KCNV2: variants seen among roughly 807,000 people sequenced by gnomAD.
KCNV2 encodes the protein potassium voltage-gated channel subfamily V member 2.
A neutral mutation model predicts 37.0 loss-of-function variants in KCNV2; 65 were observed. That is an observed-to-expected ratio of 1.76 (90% confidence interval 1.44 to 2.16). The LOEUF (loss-of-function observed/expected upper bound fraction) is 2.16, where lower values mean the gene tolerates loss of function less well. KCNV2 is among the 30% of genes most tolerant of loss of function. The probability of loss-of-function intolerance (pLI) is 0.00; values close to 1 mark genes in which losing one functional copy is unlikely to be tolerated. For synonymous variants in KCNV2, 518 were observed against 328.6 expected, an observed-to-expected ratio of 1.58 and a Z score of -6.23; for missense variants, 1,232 against 766.7, an observed-to-expected ratio of 1.61 and a Z score of -7.17.
intron 1 of KCNV2, among the ~76,000 whole-genome samples, chr9:2,722,473 AAGTT>A (rs1251974294): frequency 7.3e-6 from 1 of 136,848 alleles, no homozygotes; most frequent in African/African-American, 2.8e-5. Flanking sequence ...ATTTATAAAT[AAGTT>A]ATTTATAAAT....
rs1249262032 is a variant in KCNV2 at position 2,718,527 on chromosome 9, G to C, written c.788G>C (p.Gly263Ala). 8 of 1,611,364 alleles carry C rather than the reference G, an allele frequency of 5.0e-6. No homozygotes were observed. The highest frequency in any genetic ancestry group is 5.9e-6 in the Non-Finnish European group (7 of 1,179,266). The change falls in exon 1 of 2, where the codon GGG (glycine) becomes GCG (alanine). Residue 263 changes from glycine to alanine, a missense_variant. By Grantham distance (60) the Gly-to-Ala change is moderately conservative. Coordinates refer to ENST00000382082, the MANE Select transcript of KCNV2 (RefSeq NM_133497.4). ...TCCTCGGTGGCCGCCAAGGCCATCG[G>C]GGTGGCCTCCAGCACCTTCGTGCTC... is the stretch of plus-strand genomic sequence containing the variant. ...PFSSVAAKAI[G>A]VASSTFVLVS...
At chr9:2,721,673 C>A (rs1167955532) in intron 1 of KCNV2, among the ~76,000 whole-genome samples, 1 of 152,182 alleles carries the variant, frequency 6.6e-6, no homozygotes, top group East Asian at 1.9e-4. Flanking sequence ...AAAAAACAAT[C>A]AAGTTTTTTC....
Position 2,729,875 on chromosome 9 carries a change from C to G in KCNV2, c.*148C>G. On this transcript the variant is annotated 3_prime_UTR_variant, in exon 2 of 2. Transcript: ENST00000382082. ...TCACAAAGTACTGCCTCTAGAAATA[C>G]TCATTTTGGCCCAAACTCAGAATGT... The G allele has an allele frequency of 1.3e-6, 1 of 794,192 alleles. No homozygotes were observed. The highest frequency in any genetic ancestry group is 2.1e-6 in the Non-Finnish European group (1 of 486,376). 49.2% of individuals were successfully genotyped at this position (794,192 alleles called of 1,614,324 possible). A position where few individuals can be genotyped will look rare whatever the true frequency, so the allele number is the denominator to read the frequency against.
chr9:2,722,192 A>T (rs1819885626), intron 1 of KCNV2, among the ~76,000 whole-genome samples: 1 of 142,426 alleles, frequency 7.0e-6, no homozygotes. Context: ...AATAAAATAG[A>T]AGTTATTTAT....
rs1299169126 is a variant in KCNV2 at position 2,718,326 on chromosome 9, C to A, written c.587C>A (p.Pro196Gln). 6.2e-7 allele frequency: 1 copy of A among 1,604,240 alleles called. No homozygotes were observed. Among genetic ancestry groups the A allele is most frequent in the East Asian group, 2.2e-5 (1 of 44,618 alleles). ...TGGGGCGTGCGGCTCAAGTACACGC[C>A]ACGCTGCTGCCGCATCTGCTTCGAG... ...GYWGVRLKYT[P>Q]RCCRICFEER... is the part of the protein sequence containing the mutation. The change falls in exon 1 of 2, where the codon CCA (proline) becomes CAA (glutamine). Residue 196 changes from proline to glutamine, a missense_variant. Transcript: ENST00000382082.
In KCNV2 at chr9:2,729,815, A is replaced by C; in HGVS notation, c.*88A>C. 7.1e-7 allele frequency: 1 copy of C among 1,406,788 alleles called. No homozygotes were observed. The highest frequency in any genetic ancestry group is 1.0e-6 in the Non-Finnish European group (1 of 995,584). 87.1% of individuals were successfully genotyped at this position (1,406,788 alleles called of 1,614,324 possible). A position where few individuals can be genotyped will look rare whatever the true frequency, so the allele number is the denominator to read the frequency against. ...AATCATTATGATTGGCAGCAAAAGG[A>C]AATGTGAAGCAGACATACACAAAGG... On this transcript the variant is annotated 3_prime_UTR_variant, in exon 2 of 2. Coordinates refer to ENST00000382082, the MANE Select transcript of KCNV2 (RefSeq NM_133497.4).
chr9:2,727,838 A>C lies in KCNV2; in HGVS notation c.1357-1608A>C, dbSNP rs147668190. Reference sequence around the variant, plus strand: ...GTAGAAACTGAGGCCAAGAGAATTTAGGTGATCTGCCCAACTTATTCAGCT... The same window carrying C: ...GTAGAAACTGAGGCCAAGAGAATTTCGGTGATCTGCCCAACTTATTCAGCT... On this transcript the variant is annotated intron_variant, in intron 1 of 1. Coordinates refer to ENST00000382082, the MANE Select transcript of KCNV2 (RefSeq NM_133497.4). Among the ~76,000 whole-genome samples the C allele has an allele frequency of 1.8e-4, 27 of 152,338 alleles. No individual in the cohort carries two copies. In the East Asian group the frequency reaches 5.0e-3, roughly 28 times the overall value.
At chr9:2,725,874 T>A (rs573681295) in intron 1 of KCNV2, among the ~76,000 whole-genome samples, 1 of 152,342 alleles carries the variant, frequency 6.6e-6, no homozygotes, top group African/African-American at 2.4e-5. Context: ...ATTTGATGCT[T>A]ATCCTCATAA....
Position 2,718,698 on chromosome 9 carries a change from G to T in KCNV2, c.959G>T (p.Arg320Leu), listed in dbSNP as rs1369674746. ...TTCTTCACGCTCGAGTACCTGCTGC[G>T]CCTAGCCTCCACGCCCGACCTGAGG... is the stretch of plus-strand genomic sequence containing the variant. The part of the protein sequence containing the change: ...MGFFTLEYLL[R>L]LASTPDLRRF... Residue 320 changes from arginine (R) to leucine (L), a missense_variant, in exon 1 of 2, where the codon CGC (arginine) becomes CTC (leucine). Physicochemically the swap from Arg to Leu is moderately radical, Grantham distance 102 (BLOSUM62 -2). Coordinates refer to ENST00000382082, the MANE Select transcript of KCNV2 (RefSeq NM_133497.4). 1 of 1,613,096 alleles carries T rather than the reference G, an allele frequency of 6.2e-7. No individual in the cohort carries two copies. Among genetic ancestry groups the T allele is most frequent in the Non-Finnish European group, 8.5e-7 (1 of 1,179,858 alleles).
chr9:2,723,741 GAA>G lies in KCNV2; in HGVS notation c.1356+4648_1356+4649del, dbSNP rs150052939. Among the ~76,000 whole-genome samples, 115 of 152,330 alleles carry G rather than the reference GAA, an allele frequency of 7.5e-4. No homozygotes were observed. In the East Asian group the frequency reaches 9.4e-3, roughly 13 times the overall value. ...ATGATTCTTTTTCTACTGAGGAAAA[GAA>G]AGAACCTATAAAACATACGAGAAGG... is the stretch of plus-strand genomic sequence containing the variant. On this transcript the variant is annotated intron_variant, in intron 1 of 1. Transcript: ENST00000382082.
At position 2,729,643 on chromosome 9, in the gene KCNV2, G is replaced by C. The variant is rs1027546091; in HGVS notation, c.1554G>C (p.Val518=). 1 of 1,613,988 alleles carries C rather than the reference G, an allele frequency of 6.2e-7. No homozygotes were observed. Among genetic ancestry groups the C allele is most frequent in the Non-Finnish European group, 8.5e-7 (1 of 1,180,008 alleles). The part of the protein sequence containing the change: ...YTTIRRERGE[V]NFMQRARKKI... ...CCATACGCAGGGAGAGGGGAGAGGT[G>C]AACTTCATGCAGAGAGCCAGAAAGA... Residue 518 remains valine, a synonymous_variant, in exon 2 of 2, where the codon GTG becomes GTC. Coordinates refer to ENST00000382082, the MANE Select transcript of KCNV2 (RefSeq NM_133497.4).
At chr9:2,725,090 G>C (rs1462777386) in intron 1 of KCNV2, among the ~76,000 whole-genome samples, 2 of 152,186 alleles carry the variant, frequency 1.3e-5, no homozygotes, top group African/African-American at 4.8e-5. Flanking sequence ...GAACATGACA[G>C]CATCATTGAG....
chr9:2,729,808 C>A lies in KCNV2; in HGVS notation c.*81C>A. 1 of 1,445,232 alleles carries A rather than the reference C, an allele frequency of 6.9e-7. No individual in the cohort carries two copies. The highest frequency in any genetic ancestry group is 1.7e-4 in the Middle Eastern group (1 of 5,720). 89.5% of individuals were successfully genotyped at this position (1,445,232 alleles called of 1,614,324 possible). Reference sequence around the variant, plus strand: ...TTTTTTTAATCATTATGATTGGCAGCAAAAGGAAATGTGAAGCAGACATAC... The same window carrying A: ...TTTTTTTAATCATTATGATTGGCAGAAAAAGGAAATGTGAAGCAGACATAC... On this transcript the variant is annotated 3_prime_UTR_variant, in exon 2 of 2. Coordinates refer to ENST00000382082, the MANE Select transcript of KCNV2 (RefSeq NM_133497.4).
In KCNV2 at chr9:2,729,527, T is replaced by C. The variant is rs763579682; in HGVS notation, c.1438T>C (p.Phe480Leu). 6.2e-7 allele frequency: 1 copy of C among 1,613,998 alleles called. No homozygotes were observed. The highest frequency in any genetic ancestry group is 1.3e-5 in the African/African-American group (1 of 74,906). ...GTTTTTTGCCTTCCTCTGCATTGCTTTTGGGATCATTCTCAACGGGATGCC... is the reference window on the plus strand; with the variant it reads ...GTTTTTTGCCTTCCTCTGCATTGCTCTTGGGATCATTCTCAACGGGATGCC... Reference protein sequence around the residue: ...GRFFAFLCIAFGIILNGMPIS... With the variant: ...GRFFAFLCIALGIILNGMPIS... The change falls in exon 2 of 2, where the codon TTT becomes CTT. Residue 480 changes from phenylalanine (F) to leucine (L), a missense_variant. Coordinates refer to ENST00000382082, the MANE Select transcript of KCNV2 (RefSeq NM_133497.4).
Position 2,729,960 on chromosome 9 carries a change from A to C in KCNV2, c.*233A>C. Reference sequence around the variant, plus strand: ...CCTTCTCAATGACGTTGATATTGAAAACCTGAGGGGAGCAACAGCTTAGAT... The same window carrying C: ...CCTTCTCAATGACGTTGATATTGAACACCTGAGGGGAGCAACAGCTTAGAT... On this transcript the variant is annotated 3_prime_UTR_variant, in exon 2 of 2. Coordinates refer to ENST00000382082, the MANE Select transcript of KCNV2 (RefSeq NM_133497.4). 3.8e-6 allele frequency: 2 copies of C among 527,978 alleles called. No homozygotes were observed. Among genetic ancestry groups the C allele is most frequent in the Non-Finnish European group, 6.7e-6 (2 of 296,722 alleles). 32.7% of individuals were successfully genotyped at this position (527,978 alleles called of 1,614,324 possible).
Position 2,729,830 on chromosome 9 carries a change from A to C in KCNV2, c.*103A>C. Reference sequence around the variant, plus strand: ...CAGCAAAAGGAAATGTGAAGCAGACATACACAAAGGCCATTTCGTTCACAA... The same window carrying C: ...CAGCAAAAGGAAATGTGAAGCAGACCTACACAAAGGCCATTTCGTTCACAA... On this transcript the variant is annotated 3_prime_UTR_variant, in exon 2 of 2. Coordinates refer to ENST00000382082, the MANE Select transcript of KCNV2 (RefSeq NM_133497.4). The C allele has an allele frequency of 7.9e-7, 1 of 1,267,830 alleles. No homozygotes were observed. Among genetic ancestry groups the C allele is most frequent in the Non-Finnish European group, 1.1e-6 (1 of 873,510 alleles). The allele number at this position is 1,267,830 out of a possible 1,614,324, so 78.5% of individuals were successfully genotyped here. A position where few individuals can be genotyped will look rare whatever the true frequency, so the allele number is the denominator to read the frequency against.
At chr9:2,725,594 C>T (rs963595510) in intron 1 of KCNV2, among the ~76,000 whole-genome samples, 1 of 152,206 alleles carries the variant, frequency 6.6e-6, no homozygotes, top group African/African-American at 2.4e-5. Flanking sequence ...TGAGTAAGTA[C>T]AGCCTTTGAA....
chr9:2,725,151 G>A (rs573437793), intron 1 of KCNV2, among the ~76,000 whole-genome samples: 3 of 152,294 alleles, frequency 2.0e-5, no homozygotes, highest in East Asian at 1.9e-4. Flanking sequence ...TCATTATTGC[G>A]CACCTTTCTG....
At chr9:2,723,698 G>C (rs1819920253) in intron 1 of KCNV2, among the ~76,000 whole-genome samples, 1 of 152,192 alleles carries the variant, frequency 6.6e-6, no homozygotes. Context: ...ATTCATTTGG[G>C]AAGAAAATAA....
Sources: allele counts gnomAD v4.1 joint callset (sites outside exome capture counted in the v4.1 genomes callset), GRCh38; gene constraint gnomAD v4.1.1; transcripts MANE v1.5; gene names NCBI Gene and HGNC (gene_info 2026-07-23, HGNC 2026-07-21).